The following IARS2 variants were observed in gnomAD, a reference collection of about 807,000 sequenced individuals.
IARS2 encodes isoleucyl-tRNA synthetase 2, mitochondrial.
A neutral mutation model predicts 126.3 loss-of-function variants in IARS2; 56 were observed. The observed-to-expected ratio is 0.44, with a 90% CI of 0.36 to 0.55. The LOEUF (loss-of-function observed/expected upper bound fraction) is 0.55, where lower values mean the gene tolerates loss of function less well. Among genes scored for constraint, IARS2 ranks in the 20% least tolerant of loss-of-function variants. The pLI, the probability that IARS2 is intolerant of heterozygous loss-of-function variation, is 0.00. For missense variants in IARS2, 1,127 were observed against 1,245.9 expected, an observed-to-expected ratio of 0.90 and a Z score of 1.44; for synonymous variants, 407 against 441.1, an observed-to-expected ratio of 0.92 and a Z score of 0.97.
At chr1:220,118,161 T>C in intron 12 of IARS2, 1 of 502,066 alleles carries the variant, frequency 2.0e-6, no homozygotes, top group South Asian at 1.5e-5. Context: ...AGCAAGTTGG[T>C]AACCATCAAA....
chr1:220,094,966 C>A (rs534053953), intron 1 of IARS2, among the ~76,000 whole-genome samples: 1 of 150,578 alleles, frequency 6.6e-6, no homozygotes, highest in Admixed American at 6.6e-5. Flanking sequence ...CCCCACCCCC[C>A]CGTCCTTAAA....
chr1:220,107,539 C>G (rs143336024), intron 10 of IARS2, among the ~76,000 whole-genome samples: 47 of 152,320 alleles, frequency 3.1e-4, no homozygotes, highest in African/African-American at 1.0e-3. Context: ...TGGGAATCCT[C>G]CAGCCTTGAA....
At position 220,103,587 on chromosome 1, in the gene IARS2, A is replaced by T. The variant is rs761468302; in HGVS notation, c.1066+25A>T. 6 of 1,404,550 alleles carry T rather than the reference A, an allele frequency of 4.3e-6. No homozygotes were observed. The Admixed American group carries it at 1.0e-4, about 24-fold the overall frequency. The allele number at this position is 1,404,550 out of a possible 1,614,324, so 87.0% of individuals were successfully genotyped here. Reference sequence around the variant, plus strand: ...GGTGAAGATTTTTAGATATCTGACAACATAGTCATCAAAGTATTGGGCTGA... The same window carrying T: ...GGTGAAGATTTTTAGATATCTGACATCATAGTCATCAAAGTATTGGGCTGA... On this transcript the variant is annotated intron_variant, in intron 8 of 22. Coordinates refer to ENST00000366922, the MANE Select transcript of IARS2 (RefSeq NM_018060.4).
At chr1:220,130,480 G>A (rs779533826) in intron 14 of IARS2, among the ~76,000 whole-genome samples, 2 of 152,146 alleles carry the variant, frequency 1.3e-5, no homozygotes, top group Non-Finnish European at 2.9e-5. Context: ...TCCTCTAGTA[G>A]TTTCATAGTT....
chr1:220,139,801 G>A (rs1431919029), intron 18 of IARS2, among the ~76,000 whole-genome samples: 3 of 152,052 alleles, frequency 2.0e-5, no homozygotes, highest in Non-Finnish European at 2.9e-5. Flanking sequence ...TTGCATTAGT[G>A]TACCCTTAAG....
intron 16 of IARS2, 86 bp from the exon 17 acceptor site, chr1:220,137,832 C>A: frequency 6.9e-7 from 1 of 1,456,090 alleles, no homozygotes; most frequent in Non-Finnish European, 9.5e-7. Context: ...TCAAAAATAT[C>A]TGAATAGGAG....
At chr1:220,138,151 G>A (rs1440110348) in intron 17 of IARS2, 108 bp downstream of exon 17, 2 of 1,226,500 alleles carry the variant, frequency 1.6e-6, no homozygotes, top group Admixed American at 1.9e-5. Context: ...ATGAAAACGA[G>A]TTCTTCATTT....
intron 8 of IARS2, among the ~76,000 whole-genome samples, chr1:220,105,385 TCTTA>T (rs1159670837): frequency 1.3e-5 from 2 of 152,214 alleles, no homozygotes; most frequent in Non-Finnish European, 2.9e-5. Flanking sequence ...TGTTTCAAAT[TCTTA>T]CTATCAGATA....
rs1430515158 is a variant in IARS2, at chr1:220,125,456, G to A, written c.1743+117G>A. On this transcript the variant is annotated intron_variant, in intron 13 of 22. Coordinates refer to ENST00000366922, the MANE Select transcript of IARS2 (RefSeq NM_018060.4). ...TGTAAAGTTAACAAATTTATTTACTGTAAATTAGAAGCTAATGCAGTGTGA... is the reference window on the plus strand; with the variant it reads ...TGTAAAGTTAACAAATTTATTTACTATAAATTAGAAGCTAATGCAGTGTGA... 4.6e-6 allele frequency: 3 copies of A among 648,162 alleles called. No individual in the cohort carries two copies. The Admixed American group carries it at 7.8e-5, about 17-fold the overall frequency. 40.2% of individuals were successfully genotyped at this position (648,162 alleles called of 1,614,324 possible).
intron 21 of IARS2, 137 bp from the exon 22 acceptor site, chr1:220,145,370 TTA>T: frequency 1.6e-6 from 1 of 632,466 alleles, no homozygotes. Flanking sequence ...ATTGATACAT[TTA>T]GTGATGTTTG....
intron 2 of IARS2, 144 bp from the exon 3 acceptor site, chr1:220,100,346 G>A: frequency 1.6e-6 from 1 of 626,968 alleles, no homozygotes. Flanking sequence ...TTTTAAAAAT[G>A]GTATTAAGTT....
chr1:220,144,420 A>C lies in IARS2; in HGVS notation c.2752-1089A>C, dbSNP rs1571866248. On this transcript the variant is annotated intron_variant, in intron 21 of 22. Transcript: ENST00000366922. ...TTTATTAGTGTCAGTTTTCTAAAAAACATCCATCTTATTTTGTATGGTAAG... is the reference window on the plus strand; with the variant it reads ...TTTATTAGTGTCAGTTTTCTAAAAACCATCCATCTTATTTTGTATGGTAAG... 1.1e-5 allele frequency: 6 copies of C among 549,854 alleles called. No homozygotes were observed. In the East Asian group the frequency reaches 1.8e-4, roughly 17 times the overall value. The allele number at this position is 549,854 out of a possible 1,614,324, so 34.1% of individuals were successfully genotyped here.
chr1:220,098,867 T>C (rs1656506624), intron 2 of IARS2, among the ~76,000 whole-genome samples: 1 of 152,136 alleles, frequency 6.6e-6, no homozygotes, highest in Non-Finnish European at 1.5e-5. Flanking sequence ...TTAGTTCCAG[T>C]GATTGATTTC....
chr1:220,136,157 A>G (rs920873594), intron 15 of IARS2, among the ~76,000 whole-genome samples: 4 of 152,198 alleles, frequency 2.6e-5, no homozygotes, highest in African/African-American at 9.6e-5. Flanking sequence ...TTTGAGATGG[A>G]GTCTTACTCT....
intron 14 of IARS2, among the ~76,000 whole-genome samples, chr1:220,130,446 T>C (rs1368234073): frequency 6.6e-6 from 1 of 152,244 alleles, no homozygotes; most frequent in Non-Finnish European, 1.5e-5. Context: ...TAGACCGATG[T>C]CCTGGAGGAT....
At chr1:220,127,500 T>G (rs1657178526) in intron 14 of IARS2, among the ~76,000 whole-genome samples, 1 of 152,170 alleles carries the variant, frequency 6.6e-6, no homozygotes, top group African/African-American at 2.4e-5. Flanking sequence ...AGAAATATTT[T>G]TAAGGCAACT....
chr1:220,133,967 T>G (rs1432388083), intron 14 of IARS2, among the ~76,000 whole-genome samples: 2 of 151,660 alleles, frequency 1.3e-5, no homozygotes, highest in East Asian at 3.9e-4. Context: ...GGACCCAAGA[T>G]CTAATCTGAG....
intron 15 of IARS2, among the ~76,000 whole-genome samples, chr1:220,135,644 G>GC (rs1657357772): frequency 6.6e-6 from 1 of 152,016 alleles, no homozygotes; most frequent in Non-Finnish European, 1.5e-5. Context: ...ACAGGCGTGA[G>GC]CCCCCACGCC....
intron 8 of IARS2, 80 bp from the exon 9 acceptor site, chr1:220,105,811 C>G (rs1656667605): frequency 8.2e-7 from 1 of 1,212,274 alleles, no homozygotes; most frequent in Admixed American, 1.7e-5. Context: ...GCACATTTAA[C>G]CTGATACTCT....
Sources: allele counts gnomAD v4.1 joint callset (sites outside exome capture counted in the v4.1 genomes callset), GRCh38; gene constraint gnomAD v4.1.1; transcripts MANE v1.5; gene names NCBI Gene and HGNC (gene_info 2026-07-23, HGNC 2026-07-21).